The following SNX2 variants were observed in gnomAD, a reference collection of about 807,000 sequenced individuals.
SNX2 encodes the protein sorting nexin 2.
SNX2 carries 25 observed loss-of-function variants against 69.9 expected under a neutral mutation model. The ratio of observed to expected loss-of-function variants is 0.36; its 90% CI spans 0.26 to 0.50. The LOEUF (loss-of-function observed/expected upper bound fraction) is 0.50, where lower values mean the gene tolerates loss of function less well. Ranked by LOEUF, SNX2 falls within the 20% of genes least tolerant of loss-of-function variation. The pLI, the probability that SNX2 is intolerant of heterozygous loss-of-function variation, is 0.97. For synonymous variants in SNX2, 229 were observed against 200.4 expected (o/e 1.14, Z -1.20); for missense variants, 551 against 613.3 (o/e 0.90, Z 1.07).
At chr5:122,808,421 A>G in intron 7 of SNX2, 66 bp downstream of exon 7, 1 of 1,178,872 alleles carries the variant, frequency 8.5e-7, no homozygotes, top group Non-Finnish European at 1.2e-6. Context: ...TAATTCCATT[A>G]TATGGCAAAA....
intron 1 of SNX2, among the ~76,000 whole-genome samples, chr5:122,785,344 C>T (rs1353260939): frequency 6.6e-6 from 1 of 151,668 alleles, no homozygotes; most frequent in Non-Finnish European, 1.5e-5. Context: ...CAGGGAGTCA[C>T]ACTATGTTGC....
chr5:122,792,044 A>G (rs1753252887), intron 1 of SNX2, among the ~76,000 whole-genome samples: 1 of 152,238 alleles, frequency 6.6e-6, no homozygotes, highest in South Asian at 2.1e-4. Flanking sequence ...AGGAAATAAT[A>G]CACAAACTTG....
chr5:122,809,745 G>A (rs1319525796), intron 7 of SNX2, among the ~76,000 whole-genome samples: 1 of 151,976 alleles, frequency 6.6e-6, no homozygotes, highest in Non-Finnish European at 1.5e-5. Context: ...CTAGTTTTCA[G>A]TAGTAAATTG....
intron 1 of SNX2, among the ~76,000 whole-genome samples, chr5:122,782,905 G>A (rs1418588823): frequency 1.3e-5 from 2 of 151,816 alleles, no homozygotes; most frequent in South Asian, 2.1e-4. Context: ...TTCCCAGTCG[G>A]TGACTTGTGT....
At position 122,818,637 on chromosome 5, in the gene SNX2, G is replaced by A. The variant is rs190819665; in HGVS notation, c.1007-181G>A. ...TTGTCTGTGTTTTCAGTAGATCTCC[G>A]AGCACTTGGCATTTATGCCTGAGGC... On this transcript the variant is annotated intron_variant, in intron 10 of 14. Coordinates refer to ENST00000379516, the MANE Select transcript of SNX2 (RefSeq NM_003100.4). 1.2e-3 allele frequency among the ~76,000 whole-genome samples: 189 copies of A among 152,314 alleles called. 1 individual carries two copies. The highest frequency in any genetic ancestry group is 4.2e-3 in the African/African-American group (174 of 41,578).
In SNX2 at chr5:122,832,266, A is replaced by T. The variant is rs1390946258; in HGVS notation, c.*2618A>T. On this transcript the variant is annotated 3_prime_UTR_variant, in exon 15 of 15. Coordinates refer to ENST00000379516, the MANE Select transcript of SNX2 (RefSeq NM_003100.4). ...ATATCACTTAAATCTCTTATCTATAAAACAAGTACATAAAAGTCTTGATTC... is the reference window on the plus strand; with the variant it reads ...ATATCACTTAAATCTCTTATCTATATAACAAGTACATAAAAGTCTTGATTC... 1 of 152,186 alleles carries T rather than the reference A, an allele frequency of 6.6e-6. No individual in the cohort carries two copies. Among genetic ancestry groups the T allele is most frequent in the Admixed American group, 6.5e-5 (1 of 15,282 alleles). 9.4% of individuals were successfully genotyped at this position (152,186 alleles called of 1,614,324 possible).
chr5:122,795,797 G>A (rs1753363637), intron 2 of SNX2, among the ~76,000 whole-genome samples: 1 of 152,062 alleles, frequency 6.6e-6, no homozygotes. Flanking sequence ...ATAAATTGCT[G>A]TACTATTTAC....
At chr5:122,783,447 A>G (rs1398586695) in intron 1 of SNX2, among the ~76,000 whole-genome samples, 1 of 152,202 alleles carries the variant, frequency 6.6e-6, no homozygotes, top group African/African-American at 2.4e-5. Flanking sequence ...TTTACATTGT[A>G]CATTTAGGAT....
At chr5:122,789,906 CAG>C (rs1200258139) in intron 1 of SNX2, among the ~76,000 whole-genome samples, 2 of 152,198 alleles carry the variant, frequency 1.3e-5, no homozygotes, top group African/African-American at 4.8e-5. Context: ...TAGTTATAAT[CAG>C]AGAGAGAGGC....
intron 3 of SNX2, among the ~76,000 whole-genome samples, chr5:122,801,667 G>GTGTGTGTGTGTT (rs1753516642): frequency 6.6e-6 from 1 of 150,426 alleles, no homozygotes; most frequent in African/African-American, 2.4e-5. Flanking sequence ...GTGTGTGTGT[G>GTGTGTGTGTGTT]TGTGTGTGTG....
intron 1 of SNX2, 160 bp downstream of exon 1, chr5:122,775,371 T>C (rs1752832624): frequency 7.4e-7 from 1 of 1,348,084 alleles, no homozygotes; most frequent in Non-Finnish European, 9.6e-7. Context: ...CAGAGGGATG[T>C]GCTTGGGCTG....
At position 122,832,117 on chromosome 5, in the gene SNX2, G is replaced by A. The variant is rs188010092; in HGVS notation, c.*2469G>A. Among the ~76,000 whole-genome samples, 45 of 151,794 alleles carry A rather than the reference G, an allele frequency of 3.0e-4. No individual in the cohort carries two copies. The highest frequency in any genetic ancestry group is 5.9e-4 in the Admixed American group (9 of 15,284). On this transcript the variant is annotated 3_prime_UTR_variant, in exon 15 of 15. Coordinates refer to ENST00000379516, the MANE Select transcript of SNX2 (RefSeq NM_003100.4). ...TTCATTGGATAGGTCTGAGTTTAGC[G>A]TTTGTTTGTTTTCTTAATGAGATCA...
At chr5:122,791,340 G>A (rs1462362316) in intron 1 of SNX2, among the ~76,000 whole-genome samples, 1 of 151,806 alleles carries the variant, frequency 6.6e-6, no homozygotes, top group Non-Finnish European at 1.5e-5. Flanking sequence ...GGAGTGTAGT[G>A]GTGCAGTATC....
chr5:122,778,396 T>C (rs79853161), intron 1 of SNX2, among the ~76,000 whole-genome samples: 2,701 of 152,354 alleles, frequency 0.018, 79 homozygotes, highest in African/African-American at 0.061. Flanking sequence ...GTAAACTCCA[T>C]ACTGTTTTCC....
At chr5:122,781,058 C>A (rs1752970590) in intron 1 of SNX2, among the ~76,000 whole-genome samples, 1 of 152,134 alleles carries the variant, frequency 6.6e-6, no homozygotes, top group South Asian at 2.1e-4. Context: ...ACCACTTTCT[C>A]TTGAAACCAT....
At chr5:122,810,001 C>T (rs1357274766) in intron 7 of SNX2, among the ~76,000 whole-genome samples, 1 of 151,860 alleles carries the variant, frequency 6.6e-6, no homozygotes, top group Non-Finnish European at 1.5e-5. Flanking sequence ...CGGATGGTTG[C>T]CGGGTCTGTG....
At chr5:122,806,111 T>TGTGTGTGTGTGTGTGTGTGTGTGTGTGC (rs1561460896) in intron 6 of SNX2, among the ~76,000 whole-genome samples, 1 of 64,580 alleles carries the variant, frequency 1.5e-5, no homozygotes, top group African/African-American at 5.8e-5. Context: ...TGTGTGTGTG[T>TGTGTGTGTGTGTGTGTGTGTGTGTGTGC]GCGTGTGTGT....
rs747254695 is a variant in SNX2 at position 122,775,174 on chromosome 5, G to C, written c.71G>C (p.Gly24Ala). The stretch of plus-strand genomic sequence containing the variant: ...ACCGACTTTGAGGATCTGGAGGACG[G>C]AGAGGACCTGTTCACCAGCACTGTC... Reference protein sequence around the residue: ...KPTDFEDLEDGEDLFTSTVST... With the variant: ...KPTDFEDLEDAEDLFTSTVST... Residue 24 changes from glycine (G) to alanine (A), a missense_variant, in exon 1 of 15, where the codon GGA becomes GCA. By Grantham distance (60) the Gly-to-Ala change is moderately conservative (BLOSUM62 0). Transcript: ENST00000379516. The C allele has an allele frequency of 1.3e-6, 2 of 1,594,566 alleles. No homozygotes were observed. The highest frequency in any genetic ancestry group is 8.5e-7 in the Non-Finnish European group (1 of 1,172,322).
chr5:122,829,528 G>C, intron 14 of SNX2, 70 bp from the exon 15 acceptor site: 3 of 1,259,994 alleles, frequency 2.4e-6, no homozygotes, highest in East Asian at 4.9e-5. Context: ...TTTTAATGCT[G>C]TACAGGATAT....
Sources: allele counts gnomAD v4.1 joint callset (sites outside exome capture counted in the v4.1 genomes callset), GRCh38; gene constraint gnomAD v4.1.1; transcripts MANE v1.5; gene names NCBI Gene and HGNC (gene_info 2026-07-23, HGNC 2026-07-21).